The following PRKN variants were observed in gnomAD, a reference collection of about 807,000 sequenced individuals.
PRKN encodes parkin RBR E3 ubiquitin protein ligase.
A neutral mutation model predicts 59.5 loss-of-function variants in PRKN; 56 were observed. That is an observed-to-expected ratio of 0.94 (90% CI 0.76 to 1.18). The LOEUF is 1.18. Ranked by LOEUF, PRKN falls within the 50% of genes most tolerant of loss-of-function variation. The probability of loss-of-function intolerance (pLI) is 0.00; values close to 1 mark genes in which losing one functional copy is unlikely to be tolerated. For synonymous variants in PRKN, 250 were observed against 222.1 expected, an observed-to-expected ratio of 1.13 and a Z score of -1.12; for missense variants, 657 against 596.4, an observed-to-expected ratio of 1.10 and a Z score of -1.06.
In PRKN at chr6:162,539,974, G is replaced by C. The variant is rs577005518; in HGVS notation, c.8-96501C>G. ...GTCTCCCTCTGTCGCCCAGGCTAGA[G>C]TGCAATGGCCTGATCTCAGCTCACT... is the stretch of plus-strand genomic sequence containing the variant. On this transcript the variant is annotated intron_variant, in intron 1 of 11. Coordinates refer to ENST00000366898, the MANE Select transcript of PRKN (RefSeq NM_004562.3). 3.9e-5 allele frequency among the ~76,000 whole-genome samples: 6 copies of C among 152,270 alleles called. No homozygotes were observed. The South Asian group carries it at 1.2e-3, about 32-fold the overall frequency.
In PRKN at chr6:161,429,876, T is replaced by C. The variant is rs1788561757; in HGVS notation, c.1084-42999A>G. 3.3e-5 allele frequency among the ~76,000 whole-genome samples: 5 copies of C among 152,178 alleles called. No homozygotes were observed. The South Asian group carries it at 1.0e-3, about 32-fold the overall frequency. On this transcript the variant is annotated intron_variant, in intron 9 of 11. Coordinates refer to ENST00000366898, the MANE Select transcript of PRKN (RefSeq NM_004562.3). This position sits in a 1 kb window ranked among gnomAD's most constrained non-coding sequence, Gnocchi z 4.2. ...CTGTGAAGGATCCAAGATTTTGCTT[T>C]CTTTGCAAGCTAACAAGTTAGTCTG... is the stretch of plus-strand genomic sequence containing the variant.
Position 162,605,952 on chromosome 6 carries a change from T to C in PRKN, c.7+121710A>G, listed in dbSNP as rs559485642. 3.9e-5 allele frequency among the ~76,000 whole-genome samples: 6 copies of C among 152,298 alleles called. No individual in the cohort carries two copies. The South Asian group carries it at 1.2e-3, about 32-fold the overall frequency. ...ATTTGACTATATTCAGTGACAAAAATTTTATGTAACCAAAATGCCACTGAA... is the reference window on the plus strand; with the variant it reads ...ATTTGACTATATTCAGTGACAAAAACTTTATGTAACCAAAATGCCACTGAA... On this transcript the variant is annotated intron_variant, in intron 1 of 11. Coordinates refer to ENST00000366898, the MANE Select transcript of PRKN (RefSeq NM_004562.3).
At chr6:161,638,355 G>A (rs1582927691) in intron 7 of PRKN, among the ~76,000 whole-genome samples, 1 of 151,970 alleles carries the variant, frequency 6.6e-6, no homozygotes, top group African/African-American at 2.4e-5. Flanking sequence ...GGGTAGTCTC[G>A]AACTCCTCAG....
chr6:161,415,033 C>T (rs371174685), intron 9 of PRKN, among the ~76,000 whole-genome samples: 3 of 152,288 alleles, frequency 2.0e-5, no homozygotes, highest in South Asian at 4.1e-4. Context: ...ACGACTTCAC[C>T]GTGAGTGTGG....
At chr6:162,508,134 A>G (rs1793689443) in intron 1 of PRKN, among the ~76,000 whole-genome samples, 1 of 152,214 alleles carries the variant, frequency 6.6e-6, no homozygotes, top group African/African-American at 2.4e-5. Context: ...CACTTCTTAC[A>G]TGGCAGCGGC....
intron 5 of PRKN, among the ~76,000 whole-genome samples, chr6:162,015,905 A>C (rs1350389404): frequency 6.6e-6 from 1 of 152,176 alleles, no homozygotes; most frequent in Non-Finnish European, 1.5e-5. Context: ...ATGGAAATCA[A>C]TTTGTTGTAA....
At chr6:161,753,946 C>T (rs1294244364) in intron 7 of PRKN, among the ~76,000 whole-genome samples, 1 of 152,100 alleles carries the variant, frequency 6.6e-6, no homozygotes, top group Non-Finnish European at 1.5e-5. Flanking sequence ...CTATGAAGAG[C>T]TGCATAGGAG....
chr6:161,902,219 C>A (rs1340752304), intron 6 of PRKN, among the ~76,000 whole-genome samples: 1 of 152,120 alleles, frequency 6.6e-6, no homozygotes, highest in Admixed American at 6.5e-5. Flanking sequence ...TGGCCGGCCC[C>A]GTCCTCGCAC....
chr6:161,747,192 TATA>T (rs1788469459), intron 7 of PRKN, among the ~76,000 whole-genome samples: 1 of 152,166 alleles, frequency 6.6e-6, no homozygotes, highest in East Asian at 1.9e-4. Context: ...TGTCCTATAA[TATA>T]ACCTATTGCT....
intron 1 of PRKN, among the ~76,000 whole-genome samples, chr6:162,716,618 A>G (rs1778729902): frequency 6.6e-6 from 1 of 152,204 alleles, no homozygotes; most frequent in African/African-American, 2.4e-5. Flanking sequence ...CCTGGTACAT[A>G]TCAAATTACC....
chr6:162,079,443 C>G (rs945541832), intron 4 of PRKN, among the ~76,000 whole-genome samples: 1 of 152,120 alleles, frequency 6.6e-6, no homozygotes, highest in Non-Finnish European at 1.5e-5. Flanking sequence ...ATACATCATA[C>G]TCCCTTTTGG....
At chr6:161,350,536 C>A (rs1476391230) in intron 11 of PRKN, among the ~76,000 whole-genome samples, 2 of 142,256 alleles carry the variant, frequency 1.4e-5, no homozygotes, top group South Asian at 2.1e-4. Flanking sequence ...GGGGTCAATT[C>A]CTCATTTAAA....
intron 1 of PRKN, among the ~76,000 whole-genome samples, chr6:162,514,550 C>A (rs376354961): frequency 1.2e-4 from 18 of 152,322 alleles, no homozygotes; most frequent in African/African-American, 4.1e-4. Context: ...AAGCAAAAGT[C>A]TGGCCGTGAT....
At position 162,406,519 on chromosome 6, in the gene PRKN, CTG is replaced by C. The variant is rs1417552504; in HGVS notation, c.171+36789_171+36790del. On this transcript the variant is annotated intron_variant, in intron 2 of 11. Coordinates refer to ENST00000366898, the MANE Select transcript of PRKN (RefSeq NM_004562.3). ...ATTTGACCTCTCTGTTTCAATGTAT[CTG>C]TGTAGCAAATATTCTATGAAACACA... Among the ~76,000 whole-genome samples the C allele has an allele frequency of 2.0e-5, 3 of 152,322 alleles. No individual in the cohort carries two copies. In the East Asian group the frequency reaches 5.8e-4, roughly 29 times the overall value.
chr6:162,194,153 G>A (rs1451691784), intron 4 of PRKN, among the ~76,000 whole-genome samples: 2 of 152,054 alleles, frequency 1.3e-5, no homozygotes, highest in African/African-American at 2.4e-5. Context: ...AACAATAGAC[G>A]TACAAGTATA....
intron 2 of PRKN, among the ~76,000 whole-genome samples, chr6:162,281,419 A>T (rs1562637768): frequency 6.6e-6 from 1 of 152,138 alleles, no homozygotes; most frequent in Non-Finnish European, 1.5e-5. Context: ...GTAAAATTAA[A>T]AAAAAAATAA....
intron 1 of PRKN, among the ~76,000 whole-genome samples, chr6:162,657,655 T>C (rs774448234): frequency 6.6e-6 from 1 of 152,308 alleles, no homozygotes; most frequent in Non-Finnish European, 1.5e-5. Context: ...TAAATTCAAA[T>C]GGCTGAAAGA....
intron 1 of PRKN, among the ~76,000 whole-genome samples, chr6:162,598,873 A>C (rs1378238684): frequency 6.9e-6 from 1 of 144,880 alleles, no homozygotes; most frequent in Non-Finnish European, 1.5e-5. Context: ...AAAAAAAAGC[A>C]ATTGCAGAAT....
At position 161,376,250 on chromosome 6, in the gene PRKN, T is replaced by G. The variant is rs1785696818; in HGVS notation, c.1167+10544A>C. 6.6e-6 allele frequency among the ~76,000 whole-genome samples: 1 copy of G among 152,074 alleles called. No homozygotes were observed. Among genetic ancestry groups the G allele is most frequent in the Admixed American group, 6.6e-5 (1 of 15,256 alleles). On this transcript the variant is annotated intron_variant, in intron 10 of 11. Transcript: ENST00000366898. The surrounding 1 kb of genome is among the most constrained non-coding windows in gnomAD (Gnocchi z 7.3). The stretch of plus-strand genomic sequence containing the variant: ...GGATAAGGGGCAGTTCGTTGGAGAT[T>G]GTCAGTCTTGCATCTTGATCGCTGG...
Sources: allele counts gnomAD v4.1 joint callset (sites outside exome capture counted in the v4.1 genomes callset), GRCh38; gene constraint gnomAD v4.1.1; non-coding constraint Gnocchi (gnomAD v3.1); transcripts MANE v1.5; gene names NCBI Gene and HGNC (gene_info 2026-07-23, HGNC 2026-07-21).